Variants in STX2 observed in about 807,000 individuals in gnomAD.
STX2 encodes the protein syntaxin-2.
Under a neutral mutation model 40.6 loss-of-function variants are expected in STX2, and 27 were observed. The ratio of observed to expected loss-of-function variants is 0.66; its 90% CI spans 0.49 to 0.92. The LOEUF (loss-of-function observed/expected upper bound fraction) is 0.92. STX2 is among the 40% of genes least tolerant of loss of function. The pLI is 0.00. For missense variants in STX2, 328 were observed against 366.1 expected, an observed-to-expected ratio of 0.90 and a Z score of 0.85; for synonymous variants, 123 against 119.1, an observed-to-expected ratio of 1.03 and a Z score of -0.22.
In STX2 at chr12:130,827,962, G is replaced by A. The variant is rs73457310; in HGVS notation, c.31-695C>T. Among the ~76,000 whole-genome samples, 640 of 152,170 alleles carry A rather than the reference G, an allele frequency of 4.2e-3. 9 individuals carry two copies. The highest frequency in any genetic ancestry group is 0.015 in the African/African-American group (617 of 41,492). The stretch of plus-strand genomic sequence containing the variant: ...GTCTCTAAAAACAAAACAAAACAAA[G>A]CAAACCCCAGCACCACCCAGAAGAA... On this transcript the variant is annotated intron_variant, in intron 1 of 10. Coordinates refer to ENST00000392373, the MANE Select transcript of STX2 (RefSeq NM_194356.4).
intron 3 of STX2, 47 bp downstream of exon 3, chr12:130,821,642 G>A (rs866368666): frequency 1.4e-6 from 2 of 1,465,262 alleles, no homozygotes; most frequent in African/African-American, 1.4e-5. Flanking sequence ...ACAGCCAGAG[G>A]GACACACAGA....
At chr12:130,810,417 GGTCATC>G (rs1224117829) in intron 4 of STX2, among the ~76,000 whole-genome samples, 11 of 152,312 alleles carry the variant, frequency 7.2e-5, no homozygotes, top group Non-Finnish European at 1.0e-4. Context: ...AGAATGGTCA[GGTCATC>G]GTCATGTATA....
intron 4 of STX2, among the ~76,000 whole-genome samples, chr12:130,811,123 T>C (rs528538358): frequency 3.3e-4 from 50 of 152,148 alleles, no homozygotes; most frequent in Non-Finnish European, 5.7e-4. Context: ...TTTGGGAGGC[T>C]GAGACTGGCG....
At chr12:130,814,496 G>A (rs913359112) in intron 3 of STX2, among the ~76,000 whole-genome samples, 2 of 152,048 alleles carry the variant, frequency 1.3e-5, no homozygotes, top group African/African-American at 2.4e-5. Context: ...TGGCGTGGGA[G>A]GAGGCCAACT....
intron 1 of STX2, among the ~76,000 whole-genome samples, chr12:130,831,838 T>G (rs1183142413): frequency 6.6e-6 from 1 of 151,858 alleles, no homozygotes; most frequent in Non-Finnish European, 1.5e-5. Context: ...GCATTTAGAC[T>G]TTATGTAAAT....
chr12:130,837,443 G>A (rs998891201), intron 1 of STX2, among the ~76,000 whole-genome samples: 1 of 152,100 alleles, frequency 6.6e-6, no homozygotes, highest in South Asian at 2.1e-4. Flanking sequence ...ACAGGTGTGC[G>A]CCATGACATC....
intron 3 of STX2, among the ~76,000 whole-genome samples, chr12:130,818,185 A>AAAAAAAAAAAAAATATATATATAT: frequency 1.4e-5 from 1 of 70,588 alleles, no homozygotes; most frequent in African/African-American, 1.2e-4. Flanking sequence ...AAAAAAAAAA[A>AAAAAAAAAAAAAATATATATATAT]ATATATATAT....
chr12:130,821,518 T>A (rs2136319411), intron 3 of STX2, among the ~76,000 whole-genome samples, 171 bp downstream of exon 3: 1 of 151,916 alleles, frequency 6.6e-6, no homozygotes, highest in East Asian at 1.9e-4. Flanking sequence ...AAAAAAAACA[T>A]ACAGATGCCC....
intron 1 of STX2, 66 bp downstream of exon 1, chr12:130,839,001 CGAG>C: frequency 7.9e-6 from 10 of 1,264,088 alleles, no homozygotes; most frequent in Non-Finnish European, 9.0e-6. Context: ...CAAGACGCCC[CGAG>C]CCCCCGCCCG....
At chr12:130,794,011 G>T (rs963721908) in intron 10 of STX2, among the ~76,000 whole-genome samples, 1 of 152,168 alleles carries the variant, frequency 6.6e-6, no homozygotes, top group Non-Finnish European at 1.5e-5. Context: ...CTCCCCAGGG[G>T]TCACACTGAG....
chr12:130,836,024 G>A (rs1203268884), intron 1 of STX2, among the ~76,000 whole-genome samples: 1 of 152,094 alleles, frequency 6.6e-6, no homozygotes, highest in Non-Finnish European at 1.5e-5. Flanking sequence ...TTGTTGATGA[G>A]GCATTTTAAC....
intron 5 of STX2, among the ~76,000 whole-genome samples, chr12:130,807,808 C>T (rs565768226): frequency 2.0e-5 from 3 of 152,172 alleles, no homozygotes; most frequent in Non-Finnish European, 4.4e-5. Flanking sequence ...CGCAGGACCT[C>T]ACACTCACTA....
chr12:130,798,930 G>A (rs1274960206), intron 8 of STX2, among the ~76,000 whole-genome samples: 2 of 152,208 alleles, frequency 1.3e-5, no homozygotes, highest in Non-Finnish European at 2.9e-5. Flanking sequence ...AGACACTTTC[G>A]ACAGATGGGC....
intron 3 of STX2, among the ~76,000 whole-genome samples, chr12:130,817,643 T>C (rs533556205): frequency 2.5e-4 from 37 of 150,818 alleles, no homozygotes; most frequent in Middle Eastern, 3.4e-3. Flanking sequence ...GAAAACCACA[T>C]CTCAAAACTT....
chr12:130,800,448 G>C (rs1027737346), intron 8 of STX2, among the ~76,000 whole-genome samples: 1 of 152,018 alleles, frequency 6.6e-6, no homozygotes, highest in Non-Finnish European at 1.5e-5. Flanking sequence ...TATTTATTAA[G>C]AATTGCATTA....
chr12:130,791,975 T>C lies in STX2; in HGVS notation c.*48A>G. ...TTACACAAATAATAATGAACATCAATTTCTGCAAGATAAAGAAAAACATTA... is the reference window on the plus strand; with the variant it reads ...TTACACAAATAATAATGAACATCAACTTCTGCAAGATAAAGAAAAACATTA... On this transcript the variant is annotated splice_region_variant and 3_prime_UTR_variant, in exon 11 of 11. Coordinates refer to ENST00000392373, the MANE Select transcript of STX2 (RefSeq NM_194356.4). The C allele has an allele frequency of 6.3e-7, 1 of 1,595,526 alleles. No homozygotes were observed. Among genetic ancestry groups the C allele is most frequent in the Non-Finnish European group, 8.6e-7 (1 of 1,165,956 alleles).
chr12:130,823,903 A>AT (rs1952205503), intron 2 of STX2, among the ~76,000 whole-genome samples: 1 of 152,214 alleles, frequency 6.6e-6, no homozygotes, highest in African/African-American at 2.4e-5. Flanking sequence ...ATCATCACAG[A>AT]TATTTCTGGG....
At chr12:130,794,853 T>C (rs898097343) in intron 10 of STX2, among the ~76,000 whole-genome samples, 10 of 152,192 alleles carry the variant, frequency 6.6e-5, no homozygotes, top group Admixed American at 5.2e-4. Flanking sequence ...AATAAATTCA[T>C]TGGGGATGAC....
At chr12:130,834,982 C>T (rs758030041) in intron 1 of STX2, among the ~76,000 whole-genome samples, 1 of 152,170 alleles carries the variant, frequency 6.6e-6, no homozygotes, top group Non-Finnish European at 1.5e-5. Context: ...CAGTGTTTTC[C>T]GCCCTTTAAG....
Sources: gnomAD v4.1 joint callset for allele counts (sites outside exome capture counted in the v4.1 genomes callset) on GRCh38, gnomAD v4.1.1 for gene constraint, MANE v1.5 for transcripts, NCBI Gene and HGNC (gene_info 2026-07-23, HGNC 2026-07-21) for gene names.